Variants in GREP1 observed in about 807,000 individuals in gnomAD.
GREP1 encodes the protein glycine-rich extracellular protein 1.
chr16:2,998,757 C>T (rs1365960202), intron 25 of GREP1, 91 bp from the exon 24 acceptor site: 2 of 398,730 alleles, frequency 5.0e-6, no homozygotes, highest in South Asian at 1.3e-4. Context: ...CACTACAGGC[C>T]GGTGGCTTGG....
exon 6 of GREP1, chr16:2,990,465 G>A (rs2072392857): frequency 5.0e-6 from 2 of 399,232 alleles, no homozygotes; most frequent in Non-Finnish European, 8.8e-6. Context: ...ACACTGAAGG[G>A]GGCATGAAAC....
chr16:2,997,488 C>T (rs1323845486), intron 22 of GREP1: 1 of 398,754 alleles, frequency 2.5e-6, no homozygotes, highest in Non-Finnish European at 4.4e-6. Context: ...TCTCCCCTGA[C>T]CCTGTACTGA....
exon 35 of GREP1, chr16:3,001,628 C>T (rs1271338422): frequency 2.5e-6 from 1 of 399,072 alleles, no homozygotes; most frequent in Non-Finnish European, 4.4e-6. Flanking sequence ...GAAGACAGAC[C>T]CTTGGGCTTG....
At chr16:2,999,940 C>T (rs1465740146) in exon 28 of GREP1, 1 of 399,050 alleles carries the variant, frequency 2.5e-6, no homozygotes, top group Non-Finnish European at 4.4e-6. Flanking sequence ...GGGAGCAGAA[C>T]CAGGTGAGGA....
chr16:2,999,951 G>C lies in GREP1; in HGVS notation c.1231+8G>C, dbSNP rs2072450395. The C allele has an allele frequency of 2.5e-6, 1 of 399,048 alleles. No homozygotes were observed. The highest frequency in any genetic ancestry group is 2.1e-5 in the African/African-American group (1 of 48,634). The allele number at this position is 399,048 out of a possible 1,614,324, so 24.7% of individuals were successfully genotyped here. Reference sequence around the variant, plus strand: ...GACCGGGAGCAGAACCAGGTGAGGAGGCCCTTCCTGGAGTTCCTCCCCTCC... The same window carrying C: ...GACCGGGAGCAGAACCAGGTGAGGACGCCCTTCCTGGAGTTCCTCCCCTCC... On this transcript the variant is annotated splice_region_variant and intron_variant, in intron 28 of 34. Transcript: ENST00000573315.
Position 2,989,592 on chromosome 16 carries a change from G to C in GREP1, c.130+40G>C. 2 of 400,084 alleles carry C rather than the reference G, an allele frequency of 5.0e-6. No individual in the cohort carries two copies. The highest frequency in any genetic ancestry group is 4.4e-6 in the Non-Finnish European group (1 of 226,830). 24.8% of individuals were successfully genotyped at this position (400,084 alleles called of 1,614,324 possible). A position where few individuals can be genotyped will look rare whatever the true frequency, so the allele number is the denominator to read the frequency against. The stretch of plus-strand genomic sequence containing the variant: ...AGGGAAGGGAGGCGTCTGAGGGCAG[G>C]GCACGGGGCAGGGGGGAGGCAGGAC... On this transcript the variant is annotated intron_variant, in intron 3 of 34. Coordinates refer to ENST00000573315, the Ensembl canonical transcript of GREP1. This position sits in a 1 kb window ranked among gnomAD's most constrained non-coding sequence, Gnocchi z 4.2.
intron 21 of GREP1, 168 bp downstream of exon 20, chr16:2,997,253 G>A (rs535376480): frequency 3.4e-4 from 135 of 398,682 alleles, no homozygotes; most frequent in Non-Finnish European, 5.4e-4. Context: ...CAGAGCAGGT[G>A]GACACCAAAA....
At chr16:3,001,765 C>T in exon 35 of GREP1, 1 of 397,524 alleles carries the variant, frequency 2.5e-6, no homozygotes. Flanking sequence ...CCTGCAGCCA[C>T]CACCCAGCAC....
exon 33 of GREP1, chr16:3,000,782 G>A (rs1368082817): frequency 2.5e-6 from 1 of 399,066 alleles, no homozygotes; most frequent in Middle Eastern, 6.3e-4. Flanking sequence ...CTTGAAGCCT[G>A]GATATCAGGC....
intron 7 of GREP1, 111 bp downstream of exon 6, chr16:2,990,698 C>T: frequency 5.0e-6 from 2 of 398,518 alleles, no homozygotes; most frequent in Admixed American, 8.8e-5. Flanking sequence ...AGGGTCTTCT[C>T]CAGGCTCCCA....
rs1206243532 is a variant in GREP1 at position 2,995,636 on chromosome 16, C to T, written c.571C>T (p.Arg191Ter). The change falls in exon 16 of 35, where the codon CGA becomes TGA. Residue 191 changes from arginine (R) to a stop codon, truncating the protein, a stop_gained. Transcript: ENST00000573315. LOFTEE classifies it high-confidence loss of function. The stretch of plus-strand genomic sequence containing the variant: ...CCCCATAGTCTTGACAGCCCAGAAC[C>T]GATTTGGATTTGGAGCAGGTAGGAG... 7 of 398,754 alleles carry T rather than the reference C, an allele frequency of 1.8e-5. No individual in the cohort carries two copies. Among genetic ancestry groups the T allele is most frequent in the African/African-American group, 4.1e-5 (2 of 48,612 alleles). The allele number at this position is 398,754 out of a possible 1,614,324, so 24.7% of individuals were successfully genotyped here.
At chr16:2,995,595 C>G in intron 15 of GREP1, 24 bp from the exon 16 acceptor site, 1 of 398,848 alleles carries the variant, frequency 2.5e-6, no homozygotes, top group Middle Eastern at 6.3e-4. Context: ...CCCAAATCCC[C>G]ACCCCACCCT....
intron 5 of GREP1, 110 bp from the exon 6 acceptor site, chr16:2,990,442 C>T: frequency 2.5e-6 from 1 of 399,060 alleles, no homozygotes; most frequent in Non-Finnish European, 4.4e-6. Context: ...TCTGATCCCC[C>T]TCTCTTTCCC....
Position 2,989,153 on chromosome 16 carries a change from G to C in GREP1, c.101-370G>C, listed in dbSNP as rs2072386341. The C allele has an allele frequency of 6.9e-6, 2 of 291,792 alleles. No individual in the cohort carries two copies. Among genetic ancestry groups the C allele is most frequent in the South Asian group, 3.3e-4 (2 of 6,094 alleles). 18.1% of individuals were successfully genotyped at this position (291,792 alleles called of 1,614,324 possible). A position where few individuals can be genotyped will look rare whatever the true frequency, so the allele number is the denominator to read the frequency against. ...GGAGAGGAGCCCAGTACTGAGAATG[G>C]ATGGGAGAGGAGAGGAAGAGGGTGG... On this transcript the variant is annotated intron_variant, in intron 2 of 34. Transcript: ENST00000573315. The surrounding 1 kb of genome is among the most constrained non-coding windows in gnomAD (Gnocchi z 4.2).
In GREP1 at chr16:3,000,838, G is replaced by A. The variant is rs2072457748; in HGVS notation, c.1531+11G>A. On this transcript the variant is annotated intron_variant, in intron 33 of 34. Transcript: ENST00000573315. ...CCAGGAGCCAGCCAGGTAACGGGAT[G>A]CCTGGATGAGTGTGTTGGGGCCATT... The A allele has an allele frequency of 2.5e-6, 1 of 398,968 alleles. No homozygotes were observed. The highest frequency in any genetic ancestry group is 4.4e-5 in the Admixed American group (1 of 22,734). 24.7% of individuals were successfully genotyped at this position (398,968 alleles called of 1,614,324 possible). A position where few individuals can be genotyped will look rare whatever the true frequency, so the allele number is the denominator to read the frequency against.
chr16:2,989,654 G>T lies in GREP1; in HGVS notation c.130+102G>T. 1 of 399,272 alleles carries T rather than the reference G, an allele frequency of 2.5e-6. No homozygotes were observed. Among genetic ancestry groups the T allele is most frequent in the South Asian group, 1.3e-4 (1 of 7,786 alleles). 24.7% of individuals were successfully genotyped at this position (399,272 alleles called of 1,614,324 possible). A position where few individuals can be genotyped will look rare whatever the true frequency, so the allele number is the denominator to read the frequency against. ...AAGCTGGGCGGGGGGCAGGTAAAGG[G>T]GGAAGCAGTCGTCTCAGAAATACAT... On this transcript the variant is annotated intron_variant, in intron 3 of 34. Coordinates refer to ENST00000573315, the Ensembl canonical transcript of GREP1. The surrounding 1 kb of genome is among the most constrained non-coding windows in gnomAD (Gnocchi z 4.2).
chr16:2,988,272 G>A (rs532229120), exon 1 of GREP1: 1 of 399,084 alleles, frequency 2.5e-6, no homozygotes, highest in Non-Finnish European at 4.4e-6. Flanking sequence ...ACTCTGCCTA[G>A]AGTCATGGGC....
Position 2,989,136 on chromosome 16 carries a change from G to A in GREP1, c.101-387G>A. 3.7e-6 allele frequency: 1 copy of A among 272,324 alleles called. No homozygotes were observed. The highest frequency in any genetic ancestry group is 6.2e-5 in the East Asian group (1 of 16,180). 16.9% of individuals were successfully genotyped at this position (272,324 alleles called of 1,614,324 possible). A position where few individuals can be genotyped will look rare whatever the true frequency, so the allele number is the denominator to read the frequency against. The stretch of plus-strand genomic sequence containing the variant: ...AGGAGATTTCCATGAAGGGAGAGGA[G>A]CCCAGTACTGAGAATGGATGGGAGA... On this transcript the variant is annotated intron_variant, in intron 2 of 34. Transcript: ENST00000573315. The surrounding 1 kb of genome is among the most constrained non-coding windows in gnomAD (Gnocchi z 4.2).
chr16:2,988,733 C>T, intron 2 of GREP1, 111 bp downstream of exon 2: 2 of 398,664 alleles, frequency 5.0e-6, no homozygotes. Context: ...AGCTCAGGGC[C>T]CTTGCTGTCT....
Sources: allele counts gnomAD v4.1 joint callset, GRCh38; gene constraint gnomAD v4.1.1; non-coding constraint Gnocchi (gnomAD v3.1); transcripts MANE v1.5; gene names NCBI Gene and HGNC (gene_info 2026-07-23, HGNC 2026-07-21).